SOS1: variants seen among roughly 807,000 people sequenced by gnomAD.
The protein encoded by SOS1 is SOS Ras/Rac guanine nucleotide exchange factor 1, also known as son of sevenless homolog 1.
Under a neutral mutation model 157.6 loss-of-function variants are expected in SOS1, and 25 were observed. The observed-to-expected ratio is 0.16, with a 90% CI of 0.12 to 0.22. The LOEUF is 0.22. Among genes scored for constraint, SOS1 ranks in the 10% least tolerant of loss-of-function variants. SOS1 has a pLI of 1.00. For missense variants in SOS1, 1,237 were observed against 1,599.1 expected (o/e 0.77, Z 3.86); for synonymous variants, 528 against 534.0 (o/e 0.99, Z 0.16).
chr2:39,120,405 C>T lies in SOS1; in HGVS notation c.18G>A (p.Leu6=), dbSNP rs777663392. Reference sequence around the variant, plus strand: ...TCTCTTCGCTGAAAAACTCGTAGGGCAGCTGCTGCGCCTGCATGGTGCCCC... The same window carrying T: ...TCTCTTCGCTGAAAAACTCGTAGGGTAGCTGCTGCGCCTGCATGGTGCCCC... MQAQQ[L]PYEFFSEENA... is the part of the protein sequence containing the mutation. Residue 6 remains leucine, a synonymous_variant, in exon 1 of 23, where the codon CTG becomes CTA. Transcript: ENST00000402219. 1.9e-6 allele frequency: 3 copies of T among 1,597,520 alleles called. No homozygotes were observed. The highest frequency in any genetic ancestry group is 2.6e-6 in the Non-Finnish European group (3 of 1,173,634).
At chr2:39,071,690 T>G (rs146108205) in intron 1 of SOS1, among the ~76,000 whole-genome samples, 1 of 152,326 alleles carries the variant, frequency 6.6e-6, no homozygotes, top group Admixed American at 6.5e-5. Context: ...CAAGAAAGTA[T>G]GATTAAGTTT....
At chr2:39,044,855 C>CGT (rs938289172) in intron 6 of SOS1, among the ~76,000 whole-genome samples, 18 of 28,312 alleles carry the variant, frequency 6.4e-4, no homozygotes, top group African/African-American at 1.2e-3. Context: ...CACACATGCG[C>CGT]GCGCGCGCGC....
Position 39,007,121 on chromosome 2 carries a change from G to A in SOS1, c.2583C>T (p.Val861=). The stretch of plus-strand genomic sequence containing the variant: ...CATTAAAGTTGTTCAACTCTTGAAA[G>A]ACTTGTAGAATCTCAATAATTCGAC... ...VVSRIIEILQ[V]FQELNNFNGV... The change falls in exon 16 of 23, where the codon GTC becomes GTT. Residue 861 remains valine (V), a synonymous_variant. Transcript: ENST00000402219. 1 of 1,603,790 alleles carries A rather than the reference G, an allele frequency of 6.2e-7. No individual in the cohort carries two copies. The highest frequency in any genetic ancestry group is 8.5e-7 in the Non-Finnish European group (1 of 1,170,692).
rs942701927 is a variant in SOS1 at position 39,045,339 on chromosome 2, A to G, written c.864+5805T>C. Among the ~76,000 whole-genome samples the G allele has an allele frequency of 2.1e-5, 3 of 146,312 alleles. No homozygotes were observed. In the Admixed American group the frequency reaches 2.1e-4, roughly 10 times the overall value. On this transcript the variant is annotated intron_variant, in intron 6 of 22. Coordinates refer to ENST00000402219, the MANE Select transcript of SOS1 (RefSeq NM_005633.4). ...GTGTTAGTCTAATCTTCTGTGGCCT[A>G]ATCTTTTTTGTTTGATCTTTTAATT... is the stretch of plus-strand genomic sequence containing the variant.
chr2:39,073,628 C>G (rs1202830508), intron 1 of SOS1, among the ~76,000 whole-genome samples: 1 of 152,178 alleles, frequency 6.6e-6, no homozygotes, highest in African/African-American at 2.4e-5. Flanking sequence ...CCAGCAGATT[C>G]TGAAGCAACT....
At position 39,047,120 on chromosome 2, in the gene SOS1, C is replaced by T. The variant is rs186336733; in HGVS notation, c.864+4024G>A. On this transcript the variant is annotated intron_variant, in intron 6 of 22. Transcript: ENST00000402219. ...CTCAGAAATCTTCATGTTTCCCAGT[C>T]AACCACTACTCTAATAATCTGTTTC... Among the ~76,000 whole-genome samples the T allele has an allele frequency of 1.8e-3, 268 of 152,258 alleles. 1 individual carries two copies. The highest frequency in any genetic ancestry group is 6.3e-3 in the African/African-American group (261 of 41,556).
chr2:39,071,845 T>G (rs1169926291), intron 1 of SOS1, among the ~76,000 whole-genome samples: 1 of 152,150 alleles, frequency 6.6e-6, no homozygotes, highest in East Asian at 1.9e-4. Flanking sequence ...GGCATGCAGT[T>G]TCGCTCACAC....
intron 1 of SOS1, among the ~76,000 whole-genome samples, chr2:39,090,061 G>C (rs962957736): frequency 1.3e-5 from 2 of 148,908 alleles, no homozygotes; most frequent in Non-Finnish European, 1.5e-5. Context: ...AATCACTTAA[G>C]CCTGGGAGGC....
intron 1 of SOS1, among the ~76,000 whole-genome samples, chr2:39,104,599 C>G (rs1483962324): frequency 2.0e-5 from 3 of 152,292 alleles, no homozygotes; most frequent in Non-Finnish European, 2.9e-5. Flanking sequence ...CCCAGCAATT[C>G]CATTCCAAGG....
chr2:39,050,096 G>C (rs186073101), intron 6 of SOS1, among the ~76,000 whole-genome samples: 1 of 152,218 alleles, frequency 6.6e-6, no homozygotes, highest in East Asian at 1.9e-4. Context: ...TTTGGAGCAG[G>C]AATGGAAGGG....
At chr2:39,118,115 G>C (rs1171999019) in intron 1 of SOS1, among the ~76,000 whole-genome samples, 1 of 152,154 alleles carries the variant, frequency 6.6e-6, no homozygotes, top group African/African-American at 2.4e-5. Flanking sequence ...AGCTAGGACA[G>C]GGTGCAAAAA....
intron 20 of SOS1, 142 bp downstream of exon 20, chr2:38,994,981 A>T: frequency 1.5e-6 from 1 of 665,682 alleles, no homozygotes; most frequent in Non-Finnish European, 2.5e-6. Flanking sequence ...TTTGTCTTAT[A>T]TTTTTATAAT....
chr2:39,061,799 G>C (rs1295315589), intron 2 of SOS1, among the ~76,000 whole-genome samples: 1 of 152,070 alleles, frequency 6.6e-6, no homozygotes, highest in African/African-American at 2.4e-5. Flanking sequence ...TGTATTAAAT[G>C]AGAAACTCTA....
intron 17 of SOS1, among the ~76,000 whole-genome samples, chr2:39,004,226 T>C (rs747219523): frequency 1.1e-4 from 16 of 151,988 alleles, no homozygotes; most frequent in African/African-American, 2.2e-4. Context: ...CCATCTTGGC[T>C]AACACGGTGA....
intron 20 of SOS1, among the ~76,000 whole-genome samples, chr2:38,990,170 G>GTT (rs57752950): frequency 7.4e-5 from 10 of 135,196 alleles, no homozygotes; most frequent in African/African-American, 1.1e-4. Context: ...TTCAGATTTC[G>GTT]TTTTTTTTTT....
chr2:39,039,663 A>T (rs1670489144), intron 6 of SOS1, among the ~76,000 whole-genome samples: 2 of 152,200 alleles, frequency 1.3e-5, no homozygotes, highest in Non-Finnish European at 2.9e-5. Context: ...GAAAAGCTTT[A>T]TTGAGATAAA....
intron 1 of SOS1, among the ~76,000 whole-genome samples, chr2:39,071,716 C>T (rs1011904449): frequency 1.3e-5 from 2 of 152,116 alleles, no homozygotes; most frequent in African/African-American, 4.8e-5. Context: ...GTAAAGTTCA[C>T]TGTTTTTCAA....
chr2:39,005,110 A>C (rs1464667140), intron 17 of SOS1, among the ~76,000 whole-genome samples: 3 of 152,214 alleles, frequency 2.0e-5, no homozygotes, highest in Non-Finnish European at 4.4e-5. Flanking sequence ...AACCCTATAC[A>C]TACATATACA....
intron 1 of SOS1, among the ~76,000 whole-genome samples, chr2:39,070,069 T>G (rs1458530903): frequency 6.6e-6 from 1 of 152,138 alleles, no homozygotes. Flanking sequence ...AGTTCTGTGC[T>G]CTCCATTCAC....
Sources: gnomAD v4.1 joint callset for allele counts (sites outside exome capture counted in the v4.1 genomes callset) on GRCh38, gnomAD v4.1.1 for gene constraint, MANE v1.5 for transcripts, NCBI Gene and HGNC (gene_info 2026-07-23, HGNC 2026-07-21) for gene names.